ATP8B4: variants seen among roughly 807,000 people sequenced by gnomAD.
ATP8B4 encodes ATPase phospholipid transporting 8B4 (putative), also known as probable phospholipid-transporting ATPase IM.
Under a neutral mutation model 145.6 loss-of-function variants are expected in ATP8B4, and 133 were observed. That is an observed-to-expected ratio of 0.91 (90% CI 0.79 to 1.05). The LOEUF (loss-of-function observed/expected upper bound fraction) is 1.05, where lower values mean the gene tolerates loss of function less well. ATP8B4 is among the 50% of genes least tolerant of loss of function. The probability of loss-of-function intolerance (pLI) is 0.00; values close to 1 mark genes in which losing one functional copy is unlikely to be tolerated. For synonymous variants in ATP8B4, 507 were observed against 492.9 expected, an observed-to-expected ratio of 1.03 and a Z score of -0.38; for missense variants, 1,458 against 1,425.2, an observed-to-expected ratio of 1.02 and a Z score of -0.37.
At chr15:50,048,302 C>T (rs1567262740) in intron 3 of ATP8B4, among the ~76,000 whole-genome samples, 2 of 151,930 alleles carry the variant, frequency 1.3e-5, no homozygotes, top group South Asian at 4.2e-4. Flanking sequence ...GGTAGGAGAG[C>T]GAGAAGGTAG....
rs1567177494 is a variant in ATP8B4 at position 50,002,206 on chromosome 15, TAGG to T, written c.450_452del (p.Leu151del). 1.9e-6 allele frequency: 3 copies of T among 1,610,440 alleles called. No homozygotes were observed. Among genetic ancestry groups the T allele is most frequent in the Admixed American group, 1.7e-5 (1 of 59,854 alleles). On this transcript the variant is annotated inframe_deletion, in exon 8 of 28. Transcript: ENST00000284509. ...AGAGACCATGTGGCTCACTACTTGA[TAGG>T]AGAAGTAAATCAGCCTATTTTCAAA...
intron 24 of ATP8B4, among the ~76,000 whole-genome samples, chr15:49,878,080 G>T (rs1851666743): frequency 6.6e-6 from 1 of 152,192 alleles, no homozygotes; most frequent in South Asian, 2.1e-4. Context: ...CAGGAAAGGA[G>T]AGAGGAGCAG....
intron 3 of ATP8B4, among the ~76,000 whole-genome samples, chr15:50,052,025 C>A (rs775151791): frequency 6.6e-6 from 1 of 152,230 alleles, no homozygotes. Flanking sequence ...AGGGCTCCCC[C>A]TCCTGGAAAA....
chr15:49,863,046 C>G (rs1182715030), intron 26 of ATP8B4, among the ~76,000 whole-genome samples: 1 of 152,192 alleles, frequency 6.6e-6, no homozygotes, highest in African/African-American at 2.4e-5. Context: ...CAAAGCTACA[C>G]AAAAAATGTT....
chr15:50,027,403 A>ATGGATGGATGGATGGG (rs1428304664), intron 6 of ATP8B4, among the ~76,000 whole-genome samples: 2 of 152,010 alleles, frequency 1.3e-5, no homozygotes, highest in African/African-American at 4.8e-5. Flanking sequence ...GGATGGATGG[A>ATGGATGGATGGATGGG]TGGATGGAAA....
chr15:50,074,549 G>A (rs1252456535), intron 2 of ATP8B4, among the ~76,000 whole-genome samples: 1 of 152,220 alleles, frequency 6.6e-6, no homozygotes, highest in African/African-American at 2.4e-5. Context: ...TGTGGGGTTT[G>A]TTGCTACAAA....
At chr15:50,128,782 G>T (rs561566821) in intron 1 of ATP8B4, among the ~76,000 whole-genome samples, 2 of 152,318 alleles carry the variant, frequency 1.3e-5, no homozygotes, top group African/African-American at 4.8e-5. Context: ...TAAGTAGGCT[G>T]GGCGCAGTGG....
chr15:49,881,613 T>C (rs1338770766), intron 23 of ATP8B4, among the ~76,000 whole-genome samples: 3 of 152,050 alleles, frequency 2.0e-5, no homozygotes, highest in Non-Finnish European at 4.4e-5. Flanking sequence ...CAATGTGGCA[T>C]GAGAGAACCT....
chr15:50,103,855 A>C (rs769879122), intron 2 of ATP8B4, among the ~76,000 whole-genome samples: 8 of 152,226 alleles, frequency 5.3e-5, no homozygotes, highest in Non-Finnish European at 1.0e-4. Flanking sequence ...TAGGCACCAA[A>C]ACAGCATAAT....
At chr15:49,869,171 C>G (rs536256129) in intron 25 of ATP8B4, among the ~76,000 whole-genome samples, 1 of 152,076 alleles carries the variant, frequency 6.6e-6, no homozygotes, top group South Asian at 2.1e-4. Flanking sequence ...CTCGGCCTCA[C>G]AAAGTGCTAG....
chr15:49,989,650 G>A (rs1467862279), intron 9 of ATP8B4, among the ~76,000 whole-genome samples: 1 of 151,910 alleles, frequency 6.6e-6, no homozygotes, highest in Non-Finnish European at 1.5e-5. Flanking sequence ...CTGGGTTCTT[G>A]GAGGCTAAGC....
chr15:50,068,377 A>C (rs1241881807), intron 3 of ATP8B4, among the ~76,000 whole-genome samples: 1 of 152,214 alleles, frequency 6.6e-6, no homozygotes, highest in African/African-American at 2.4e-5. Context: ...AACCACAAAA[A>C]ATCATGGGAG....
intron 23 of ATP8B4, among the ~76,000 whole-genome samples, chr15:49,884,055 G>A (rs1038129368): frequency 6.6e-6 from 1 of 152,058 alleles, no homozygotes; most frequent in African/African-American, 2.4e-5. Context: ...ACTTGTTTTT[G>A]TTTTGGAAAA....
chr15:49,982,244 T>G (rs772140877), intron 10 of ATP8B4, among the ~76,000 whole-genome samples: 1 of 152,116 alleles, frequency 6.6e-6, no homozygotes, highest in Non-Finnish European at 1.5e-5. Context: ...CTTTTCTTTA[T>G]GTAAAAGAAA....
chr15:50,062,297 G>A (rs1160139175), intron 3 of ATP8B4, among the ~76,000 whole-genome samples: 1 of 152,046 alleles, frequency 6.6e-6, no homozygotes, highest in Non-Finnish European at 1.5e-5. Context: ...TTGTCATTTA[G>A]AAGTGTATGT....
chr15:49,884,348 T>A (rs2035883689), intron 23 of ATP8B4, among the ~76,000 whole-genome samples: 1 of 152,056 alleles, frequency 6.6e-6, no homozygotes, highest in African/African-American at 2.4e-5. Flanking sequence ...ACACCTGTAA[T>A]CCCAACACTT....
intron 14 of ATP8B4, among the ~76,000 whole-genome samples, chr15:49,942,625 G>A (rs1321780115): frequency 2.0e-5 from 3 of 151,568 alleles, no homozygotes; most frequent in Non-Finnish European, 4.4e-5. Context: ...TAAAAAAAAA[G>A]TCATTAAAAA....
intron 12 of ATP8B4, among the ~76,000 whole-genome samples, chr15:49,974,679 T>G (rs2045515592): frequency 6.6e-6 from 1 of 152,198 alleles, no homozygotes; most frequent in South Asian, 2.1e-4. Flanking sequence ...TACATTTTTC[T>G]TTGTTTTTAT....
chr15:50,003,912 C>T (rs1350301919), intron 7 of ATP8B4, among the ~76,000 whole-genome samples: 1 of 152,140 alleles, frequency 6.6e-6, no homozygotes, highest in Non-Finnish European at 1.5e-5. Context: ...GCGCCACTGC[C>T]ATCTGGCGGT....
Sources: gnomAD v4.1 joint callset for allele counts (sites outside exome capture counted in the v4.1 genomes callset) on GRCh38, gnomAD v4.1.1 for gene constraint, MANE v1.5 for transcripts, NCBI Gene and HGNC (gene_info 2026-07-23, HGNC 2026-07-21) for gene names.